The following GPC6 variants were observed in gnomAD, a reference collection of about 807,000 sequenced individuals.
GPC6 encodes the protein glypican-6.
Under a neutral mutation model 55.2 loss-of-function variants are expected in GPC6, and 14 were observed. The ratio of observed to expected loss-of-function variants is 0.25; its 90% CI spans 0.17 to 0.40. The LOEUF is 0.40. Ranked by LOEUF, GPC6 falls within the 10% of genes least tolerant of loss-of-function variation. The probability of loss-of-function intolerance (pLI) is 1.00; values close to 1 mark genes in which losing one functional copy is unlikely to be tolerated. For missense variants in GPC6, 641 were observed against 708.5 expected, an observed-to-expected ratio of 0.90 and a Z score of 1.08; for synonymous variants, 278 against 259.6, an observed-to-expected ratio of 1.07 and a Z score of -0.68.
intron 4 of GPC6, among the ~76,000 whole-genome samples, chr13:94,084,962 T>C (rs796768061): frequency 1.3e-5 from 2 of 151,674 alleles, no homozygotes; most frequent in South Asian, 2.1e-4. Flanking sequence ...AAAAGTAAAA[T>C]TGGAAAGAGA....
chr13:94,035,096 C>T (rs867780729), intron 4 of GPC6, among the ~76,000 whole-genome samples: 1 of 151,680 alleles, frequency 6.6e-6, no homozygotes, highest in South Asian at 2.1e-4. Context: ...TGGAATTTTG[C>T]GTTTTGATTT....
intron 3 of GPC6, among the ~76,000 whole-genome samples, chr13:93,832,163 C>A (rs1437466444): frequency 1.9e-5 from 2 of 104,682 alleles, no homozygotes; most frequent in East Asian, 6.8e-4. Flanking sequence ...TACATTGAAT[C>A]TCAACAATGT....
chr13:94,002,035 C>T (rs1354062814), intron 3 of GPC6, among the ~76,000 whole-genome samples: 1 of 151,918 alleles, frequency 6.6e-6, no homozygotes, highest in Non-Finnish European at 1.5e-5. Flanking sequence ...CACATAGAGA[C>T]TAGAAGATAG....
chr13:93,910,794 G>A (rs1876932389), intron 3 of GPC6, among the ~76,000 whole-genome samples: 1 of 152,148 alleles, frequency 6.6e-6, no homozygotes, highest in Admixed American at 6.5e-5. Context: ...GACAGTATCA[G>A]AAAATTCTAA....
At chr13:93,344,516 A>T (rs1331402077) in intron 1 of GPC6, among the ~76,000 whole-genome samples, 2 of 152,152 alleles carry the variant, frequency 1.3e-5, no homozygotes, top group African/African-American at 4.8e-5. Flanking sequence ...AGTAGGCTAC[A>T]TCGTTTCTGA....
intron 4 of GPC6, among the ~76,000 whole-genome samples, chr13:94,111,909 C>T (rs927788146): frequency 7.9e-5 from 12 of 152,078 alleles, no homozygotes; most frequent in Admixed American, 6.6e-5. Context: ...CCCTGTCTCT[C>T]TCACTCATAC....
At chr13:93,620,932 C>CTTT (rs778290495) in intron 2 of GPC6, among the ~76,000 whole-genome samples, 1 of 152,080 alleles carries the variant, frequency 6.6e-6, no homozygotes, top group Non-Finnish European at 1.5e-5. Flanking sequence ...TTGGGCTGCA[C>CTTT]TTTTTTGTGA....
At chr13:93,314,025 C>T (rs1356274923) in intron 1 of GPC6, among the ~76,000 whole-genome samples, 1 of 152,020 alleles carries the variant, frequency 6.6e-6, no homozygotes, top group Non-Finnish European at 1.5e-5. Context: ...TGGTTGTTTT[C>T]CAATTTTAAG....
At position 93,506,247 on chromosome 13, in the gene GPC6, CATTT is replaced by C. The variant is rs1252677640; in HGVS notation, c.161-39015_161-39012del. Reference sequence around the variant, plus strand: ...CACAGAATGTATTCTAAGGTGGATTCATTTGTTTAGAGGATTTGCAAAATTTGAG... The same window carrying C: ...CACAGAATGTATTCTAAGGTGGATTCGTTTAGAGGATTTGCAAAATTTGAG... On this transcript the variant is annotated intron_variant, in intron 1 of 8. Transcript: ENST00000377047. Among the ~76,000 whole-genome samples, 3 of 152,106 alleles carry C rather than the reference CATTT, an allele frequency of 2.0e-5. No individual in the cohort carries two copies. In the South Asian group the frequency reaches 6.2e-4, roughly 32 times the overall value.
At chr13:93,895,870 C>T (rs1005030484) in intron 3 of GPC6, among the ~76,000 whole-genome samples, 2 of 151,866 alleles carry the variant, frequency 1.3e-5, no homozygotes, top group South Asian at 2.1e-4. Flanking sequence ...ATGATGGTTA[C>T]CAGAGGGTGG....
chr13:94,300,565 G>T (rs1347855946), intron 5 of GPC6, among the ~76,000 whole-genome samples: 2 of 152,120 alleles, frequency 1.3e-5, no homozygotes, highest in Non-Finnish European at 2.9e-5. Context: ...ATCCTCTTAA[G>T]AGAGAGGATT....
At chr13:93,424,607 T>TATCATCATCATCATC (rs144005214) in intron 1 of GPC6, among the ~76,000 whole-genome samples, 6 of 151,530 alleles carry the variant, frequency 4.0e-5, no homozygotes, top group Non-Finnish European at 8.8e-5. Flanking sequence ...AAATACATGG[T>TATCATCATCATCATC]ATCATCATCA....
chr13:94,012,678 A>G (rs1882297221), intron 3 of GPC6, among the ~76,000 whole-genome samples: 1 of 152,196 alleles, frequency 6.6e-6, no homozygotes, highest in Admixed American at 6.5e-5. Flanking sequence ...TACTTACACT[A>G]GGTGTTTAAA....
At chr13:93,231,371 ATATATATACATATATATATATATATG>A (rs1594041710) in intron 1 of GPC6, among the ~76,000 whole-genome samples, 2 of 17,096 alleles carry the variant, frequency 1.2e-4, no homozygotes, top group Non-Finnish European at 1.0e-4. Context: ...GTATATATAT[ATATATATACATATATATATATATATG>A]TATATATATA....
chr13:93,240,460 C>G (rs1328908669), intron 1 of GPC6, among the ~76,000 whole-genome samples: 1 of 151,864 alleles, frequency 6.6e-6, no homozygotes, highest in Admixed American at 6.6e-5. Flanking sequence ...ATGACCAGTG[C>G]TGCTCATTTT....
chr13:94,127,903 G>C (rs1487170795), intron 4 of GPC6, among the ~76,000 whole-genome samples: 1 of 152,094 alleles, frequency 6.6e-6, no homozygotes, highest in Non-Finnish European at 1.5e-5. Context: ...GCATATCAAG[G>C]TGTCTAGAAA....
chr13:94,343,624 C>T (rs530502258), intron 6 of GPC6, among the ~76,000 whole-genome samples: 7 of 152,160 alleles, frequency 4.6e-5, no homozygotes, highest in African/African-American at 7.2e-5. Flanking sequence ...GAAGTGGTCT[C>T]GCATGTGTTA....
intron 4 of GPC6, among the ~76,000 whole-genome samples, chr13:94,269,431 A>G (rs894382085): frequency 1.3e-5 from 2 of 152,008 alleles, no homozygotes; most frequent in African/African-American, 2.4e-5. Context: ...TTTTATACCA[A>G]TTTTTCTTTG....
intron 4 of GPC6, among the ~76,000 whole-genome samples, chr13:94,089,420 C>T (rs1885402912): frequency 6.6e-6 from 1 of 152,158 alleles, no homozygotes; most frequent in Non-Finnish European, 1.5e-5. Context: ...CCTGGGAAAT[C>T]AGATAGAAAG....
Sources: gnomAD v4.1 joint callset for allele counts (sites outside exome capture counted in the v4.1 genomes callset) on GRCh38, gnomAD v4.1.1 for gene constraint, MANE v1.5 for transcripts, NCBI Gene and HGNC (gene_info 2026-07-23, HGNC 2026-07-21) for gene names.